TPTE: variants seen among roughly 807,000 people sequenced by gnomAD.
TPTE encodes putative tyrosine-protein phosphatase TPTE.
In TPTE, 59 loss-of-function variants were observed where a neutral mutation model predicts 84.1. The ratio of observed to expected loss-of-function variants is 0.70; its 90% confidence interval spans 0.57 to 0.87. The LOEUF is 0.87. TPTE is among the 40% of genes least tolerant of loss of function. The pLI is 0.00. For synonymous variants in TPTE, 130 were observed against 223.5 expected (o/e 0.58, Z 3.73); for missense variants, 382 against 659.6 (o/e 0.58, Z 4.61).
chr21:10,527,836 C>G (rs1415104408), intron 3 of TPTE, among the ~76,000 whole-genome samples: 286 of 152,302 alleles, frequency 1.9e-3, no homozygotes, highest in South Asian at 4.1e-3. Flanking sequence ...GGTTTAGTCA[C>G]TTGATCCTAT....
chr21:10,601,910 G>T (rs1355464820), intron 21 of TPTE, 148 bp from the exon 22 acceptor site: 7 of 832,024 alleles, frequency 8.4e-6, no homozygotes, highest in South Asian at 6.9e-5. Flanking sequence ...AACTAGAAGA[G>T]ATTATTAATA....
intron 7 of TPTE, among the ~76,000 whole-genome samples, chr21:10,544,876 G>A (rs1600876032): frequency 6.6e-6 from 1 of 152,306 alleles, no homozygotes; most frequent in African/African-American, 2.4e-5. Flanking sequence ...TGGGGATTAG[G>A]TTTAGGAGTA....
chr21:10,527,720 TCAG>T (rs1246824474), intron 3 of TPTE, among the ~76,000 whole-genome samples: 1 of 152,306 alleles, frequency 6.6e-6, no homozygotes, highest in Non-Finnish European at 1.5e-5. Flanking sequence ...AGAGGAGCCC[TCAG>T]CAGCAAGAAA....
At chr21:10,579,871 A>G (rs2075240366) in intron 17 of TPTE, among the ~76,000 whole-genome samples, 1 of 152,312 alleles carries the variant, frequency 6.6e-6, no homozygotes, top group Non-Finnish European at 1.5e-5. Flanking sequence ...CTTTGGATAT[A>G]TACCCAGAAG....
Position 10,602,042 on chromosome 21 carries a change from A to T in TPTE, c.1357-16A>T. ...ATCTAGGTTTATAGTTCTCAATTCC[A>T]TGTGTTCATTCATAGGTACTTGATA... On this transcript the variant is annotated splice_polypyrimidine_tract_variant and intron_variant, in intron 21 of 23. Coordinates refer to ENST00000618007, the MANE Select transcript of TPTE (RefSeq NM_199261.4). The T allele has an allele frequency of 6.2e-7, 1 of 1,606,396 alleles. No individual in the cohort carries two copies. The highest frequency in any genetic ancestry group is 8.5e-7 in the Non-Finnish European group (1 of 1,172,896).
At chr21:10,534,971 A>C (rs1258394857) in intron 3 of TPTE, among the ~76,000 whole-genome samples, 1 of 152,312 alleles carries the variant, frequency 6.6e-6, no homozygotes, top group Non-Finnish European at 1.5e-5. Flanking sequence ...CTTAAACAAA[A>C]ATTAATGATC....
At chr21:10,594,647 CTCTCCCCACACA>C (rs1305141915) in intron 19 of TPTE, among the ~76,000 whole-genome samples, 1 of 152,310 alleles carries the variant, frequency 6.6e-6, no homozygotes, top group Non-Finnish European at 1.5e-5. Flanking sequence ...CCTTCAACAA[CTCTCCCCACACA>C]TCTCCCCATC....
chr21:10,569,945 C>T (rs572928439), intron 13 of TPTE, among the ~76,000 whole-genome samples, 199 bp downstream of exon 13: 3 of 152,308 alleles, frequency 2.0e-5, no homozygotes, highest in Non-Finnish European at 4.4e-5. Context: ...CAAGACTACT[C>T]AGTTGCAGCA....
chr21:10,551,946 T>C (rs111678499), intron 7 of TPTE, among the ~76,000 whole-genome samples: 3,776 of 150,800 alleles, frequency 0.025, 1 homozygote, highest in African/African-American at 0.09. Flanking sequence ...CAGGACCTGA[T>C]GGCTTCACCA....
At chr21:10,535,585 A>G (rs1484756636) in intron 3 of TPTE, among the ~76,000 whole-genome samples, 6 of 152,302 alleles carry the variant, frequency 3.9e-5, no homozygotes, top group African/African-American at 1.2e-4. Context: ...CTAAGTTAGT[A>G]GTATCCAATC....
At chr21:10,586,841 A>G (rs1355675127) in intron 17 of TPTE, among the ~76,000 whole-genome samples, 1 of 152,310 alleles carries the variant, frequency 6.6e-6, no homozygotes, top group Non-Finnish European at 1.5e-5. Flanking sequence ...CTGACTTTCT[A>G]CACTGGTTAG....
chr21:10,523,898 G>GT (rs1246348398), intron 1 of TPTE, among the ~76,000 whole-genome samples: 2 of 152,308 alleles, frequency 1.3e-5, no homozygotes, highest in Non-Finnish European at 2.9e-5. Flanking sequence ...GGTTGAACTA[G>GT]TTTACAGTCC....
chr21:10,525,789 C>G (rs1197946721), intron 2 of TPTE, among the ~76,000 whole-genome samples: 1 of 152,308 alleles, frequency 6.6e-6, no homozygotes, highest in Non-Finnish European at 1.5e-5. Context: ...TGCCCCAAAG[C>G]AGCTTATCAA....
chr21:10,539,524 C>A (rs550714142), intron 4 of TPTE, among the ~76,000 whole-genome samples: 1 of 152,306 alleles, frequency 6.6e-6, no homozygotes, highest in Admixed American at 6.5e-5. Context: ...AGAAATTCAC[C>A]CACAAAAGGC....
Position 10,578,632 on chromosome 21 carries a change from C to G in TPTE, c.1027+27C>G, listed in dbSNP as rs751510607. 268 of 1,610,814 alleles carry G rather than the reference C, an allele frequency of 1.7e-4. No homozygotes were observed. The Admixed American group carries it at 4.3e-3, about 26-fold the overall frequency. ...TAATAACATTTTCCTTTTTATTTCT[C>G]CATTTCTAAAGACATGTAAATATAC... On this transcript the variant is annotated intron_variant, in intron 17 of 23. Transcript: ENST00000618007.
intron 7 of TPTE, among the ~76,000 whole-genome samples, chr21:10,543,939 A>C (rs1182556514): frequency 1.3e-5 from 2 of 152,306 alleles, no homozygotes; most frequent in African/African-American, 4.8e-5. Flanking sequence ...TCCACATGTG[A>C]GGTTGGTGCC....
Position 10,553,797 on chromosome 21 carries a change from C to CCTT in TPTE, c.233+1083_233+1084insTCT, listed in dbSNP as rs1223749331. Among the ~76,000 whole-genome samples the CCTT allele has an allele frequency of 2.6e-5, 4 of 152,304 alleles. No individual in the cohort carries two copies. In the East Asian group the frequency reaches 7.7e-4, roughly 29 times the overall value. On this transcript the variant is annotated intron_variant, in intron 8 of 23. Coordinates refer to ENST00000618007, the MANE Select transcript of TPTE (RefSeq NM_199261.4). ...ACCTGATACTCAGCAAGTCACTAAC[C>CCTT]CTCTTTAACTTTCAGATTATTCAAA...
At chr21:10,593,707 T>C (rs2075528388) in intron 19 of TPTE, among the ~76,000 whole-genome samples, 1 of 152,310 alleles carries the variant, frequency 6.6e-6, no homozygotes. Flanking sequence ...GAAATCTAGA[T>C]GTCAGTCTCT....
chr21:10,525,430 T>C (rs533879454), intron 2 of TPTE, among the ~76,000 whole-genome samples: 105 of 152,360 alleles, frequency 6.9e-4, no homozygotes, highest in African/African-American at 2.4e-3. Flanking sequence ...TCTGAAACAT[T>C]AGGAATCTGT....
Sources: allele counts gnomAD v4.1 joint callset (sites outside exome capture counted in the v4.1 genomes callset), GRCh38; gene constraint gnomAD v4.1.1; transcripts MANE v1.5; gene names NCBI Gene and HGNC (gene_info 2026-07-23, HGNC 2026-07-21).